The following PDE6C variants were observed in gnomAD, a reference collection of about 807,000 sequenced individuals.
PDE6C encodes cone cGMP-specific 3',5'-cyclic phosphodiesterase subunit alpha'.
Under a neutral mutation model 113.1 loss-of-function variants are expected in PDE6C, and 75 were observed. The observed-to-expected ratio is 0.66, with a 90% CI of 0.55 to 0.80. PDE6C has a LOEUF of 0.80. PDE6C is among the 30% of genes least tolerant of loss of function. The probability of loss-of-function intolerance (pLI) is 0.00; values close to 1 mark genes in which losing one functional copy is unlikely to be tolerated. For synonymous variants in PDE6C, 375 were observed against 363.7 expected (o/e 1.03, Z -0.35); for missense variants, 912 against 1,038.6 (o/e 0.88, Z 1.67).
intron 1 of PDE6C, among the ~76,000 whole-genome samples, chr10:93,614,823 C>T (rs940177540): frequency 3.3e-5 from 5 of 151,996 alleles, no homozygotes; most frequent in Non-Finnish European, 5.9e-5. Flanking sequence ...TGGGGAGTCT[C>T]TCCTCTCTTC....
chr10:93,621,012 C>A lies in PDE6C; in HGVS notation c.723+32C>A, dbSNP rs768942083. The A allele has an allele frequency of 4.5e-6, 7 of 1,555,434 alleles. No homozygotes were observed. In the South Asian group the frequency reaches 5.6e-5, roughly 12 times the overall value. ...GGAAGGCAGCATTAGTCATTCCATG[C>A]TGACCTATTCTGACAAAGCCGCCCA... On this transcript the variant is annotated intron_variant, in intron 3 of 21. Coordinates refer to ENST00000371447, the MANE Select transcript of PDE6C (RefSeq NM_006204.4).
chr10:93,622,101 A>G (rs376772402), intron 4 of PDE6C, 29 bp downstream of exon 4: 330 of 1,608,528 alleles, frequency 2.1e-4, no homozygotes, highest in Non-Finnish European at 2.2e-4. Flanking sequence ...ATTTTGTCTC[A>G]TCTCACATCG....
chr10:93,660,632 G>A (rs569901711), intron 18 of PDE6C, among the ~76,000 whole-genome samples: 1 of 152,106 alleles, frequency 6.6e-6, no homozygotes, highest in East Asian at 1.9e-4. Flanking sequence ...ATATTTGGGG[G>A]CAGGGTGTCC....
Position 93,620,631 on chromosome 10 carries a change from G to T in PDE6C, c.481-1G>T. On this transcript the variant is annotated splice_acceptor_variant, in intron 1 of 21. Coordinates refer to ENST00000371447, the MANE Select transcript of PDE6C (RefSeq NM_006204.4). LOFTEE classifies it high-confidence loss of function. ...GACAAATATGTGACTGTCTCTTTCA[G>T]AACAGCCATTTTTCTGACTTCATGG... 1 of 1,614,012 alleles carries T rather than the reference G, an allele frequency of 6.2e-7. No homozygotes were observed. Among genetic ancestry groups the T allele is most frequent in the Non-Finnish European group, 8.5e-7 (1 of 1,179,926 alleles).
At chr10:93,657,144 G>C (rs142637365) in intron 16 of PDE6C, among the ~76,000 whole-genome samples, 1 of 151,350 alleles carries the variant, frequency 6.6e-6, no homozygotes, top group Non-Finnish European at 1.5e-5. Context: ...TGGTATTGTT[G>C]TGTGTTGTTT....
Position 93,658,925 on chromosome 10 carries a change from T to G in PDE6C, c.2061T>G (p.Ile687Met), listed in dbSNP as rs1389752250. Reference sequence around the variant, plus strand: ...GGAAGAGGACCATGTTTCAAAAAATTGTTGATGCCTGTGAACAAATGCAAA... The same window carrying G: ...GGAAGAGGACCATGTTTCAAAAAATGGTTGATGCCTGTGAACAAATGCAAA... ...YFKKRTMFQK[I>M]VDACEQMQTE... Residue 687 changes from isoleucine to methionine, a missense_variant, in exon 17 of 22, where the codon ATT becomes ATG. Transcript: ENST00000371447. 1 of 1,611,554 alleles carries G rather than the reference T, an allele frequency of 6.2e-7. No homozygotes were observed. Among genetic ancestry groups the G allele is most frequent in the South Asian group, 1.1e-5 (1 of 91,030 alleles).
chr10:93,662,460 C>CAAAA (rs11364728), intron 19 of PDE6C, 100 bp from the exon 20 acceptor site: 634 of 320,212 alleles, frequency 2.0e-3, no homozygotes, highest in Non-Finnish European at 2.4e-3. Flanking sequence ...GACTCTGCCT[C>CAAAA]AAAAAAAAAA....
chr10:93,641,870 T>C (rs983986890), intron 14 of PDE6C, among the ~76,000 whole-genome samples: 12 of 152,084 alleles, frequency 7.9e-5, no homozygotes, highest in African/African-American at 2.9e-4. Context: ...GGAAGTACAA[T>C]AAGAAGGGTG....
intron 10 of PDE6C, 76 bp from the exon 11 acceptor site, chr10:93,636,919 G>T (rs1589698642): frequency 3.6e-6 from 3 of 823,176 alleles, no homozygotes; most frequent in Non-Finnish European, 6.4e-6. Context: ...TCTTAACTAA[G>T]ATTGTAATAG....
chr10:93,619,168 C>A (rs904070075), intron 1 of PDE6C, among the ~76,000 whole-genome samples: 8 of 152,138 alleles, frequency 5.3e-5, no homozygotes, highest in African/African-American at 1.9e-4. Flanking sequence ...CAAGCCCTTC[C>A]ATTTGTGCGC....
intron 13 of PDE6C, 105 bp from the exon 14 acceptor site, chr10:93,640,815 C>G: frequency 1.3e-6 from 1 of 783,282 alleles, no homozygotes; most frequent in South Asian, 1.5e-5. Flanking sequence ...AGTGAACTTG[C>G]TCCAGAAACC....
At chr10:93,650,994 C>T (rs527421668) in intron 15 of PDE6C, among the ~76,000 whole-genome samples, 49 of 152,274 alleles carry the variant, frequency 3.2e-4, no homozygotes, top group Middle Eastern at 3.4e-3. Flanking sequence ...ATTGACTCTA[C>T]ATTTTCATAT....
chr10:93,634,548 T>G (rs2058518572), intron 8 of PDE6C, among the ~76,000 whole-genome samples: 1 of 152,210 alleles, frequency 6.6e-6, no homozygotes, highest in Non-Finnish European at 1.5e-5. Flanking sequence ...GATCGTACAA[T>G]GTCTGTTTTC....
chr10:93,623,674 A>T (rs1331426920), intron 4 of PDE6C, among the ~76,000 whole-genome samples: 3 of 152,140 alleles, frequency 2.0e-5, no homozygotes, highest in African/African-American at 7.2e-5. Context: ...CTTTTTTTAC[A>T]TGTAGATGTT....
chr10:93,623,982 G>A (rs983546193), intron 4 of PDE6C, among the ~76,000 whole-genome samples: 1 of 151,880 alleles, frequency 6.6e-6, no homozygotes, highest in African/African-American at 2.4e-5. Context: ...TATCAATTGT[G>A]AGAATTAGAG....
intron 14 of PDE6C, among the ~76,000 whole-genome samples, chr10:93,642,534 A>AT (rs34327978): frequency 0.59 from 89,519 of 151,942 alleles, 29,365 homozygotes; most frequent in Non-Finnish European, 0.73. Flanking sequence ...TTTCTGACAC[A>AT]TGAACTACCC....
At chr10:93,616,544 T>C (rs1250634027) in intron 1 of PDE6C, among the ~76,000 whole-genome samples, 1 of 152,180 alleles carries the variant, frequency 6.6e-6, no homozygotes, top group Non-Finnish European at 1.5e-5. Context: ...AAATGATAGC[T>C]GTGATAATAT....
chr10:93,657,250 C>T (rs2058642206), intron 16 of PDE6C, among the ~76,000 whole-genome samples: 1 of 151,662 alleles, frequency 6.6e-6, no homozygotes, highest in African/African-American at 2.4e-5. Flanking sequence ...TAATCTCTGC[C>T]TCCTGGGTTC....
At chr10:93,623,045 G>T (rs898352457) in intron 4 of PDE6C, among the ~76,000 whole-genome samples, 21 of 152,288 alleles carry the variant, frequency 1.4e-4, no homozygotes, top group African/African-American at 5.1e-4. Context: ...TAAGAAACTG[G>T]CAGACTGTCT....
Sources: gnomAD v4.1 joint callset for allele counts (sites outside exome capture counted in the v4.1 genomes callset) on GRCh38, gnomAD v4.1.1 for gene constraint, MANE v1.5 for transcripts, NCBI Gene and HGNC (gene_info 2026-07-23, HGNC 2026-07-21) for gene names.